ACVR1: variants seen among roughly 807,000 people sequenced by gnomAD.
ACVR1 encodes the protein activin receptor type-1.
Under a neutral mutation model 57.1 loss-of-function variants are expected in ACVR1, and 38 were observed. The ratio of observed to expected loss-of-function variants is 0.67; its 90% CI spans 0.51 to 0.87. ACVR1 has a LOEUF of 0.87. ACVR1 is among the 40% of genes least tolerant of loss of function. ACVR1 has a pLI of 0.00. For synonymous variants in ACVR1, 212 were observed against 228.1 expected, an observed-to-expected ratio of 0.93 and a Z score of 0.63; for missense variants, 463 against 638.2, an observed-to-expected ratio of 0.73 and a Z score of 2.96.
At chr2:157,779,993 T>C (rs1419256439) in intron 4 of ACVR1, among the ~76,000 whole-genome samples, 2 of 152,202 alleles carry the variant, frequency 1.3e-5, no homozygotes, top group Non-Finnish European at 2.9e-5. Context: ...ACTAGCAGAA[T>C]TGTTTCAGAA....
chr2:157,866,756 G>A (rs1055475000), intron 1 of ACVR1, among the ~76,000 whole-genome samples: 6 of 152,188 alleles, frequency 3.9e-5, no homozygotes, highest in African/African-American at 1.4e-4. Flanking sequence ...AAAAGTTGGA[G>A]ACTGTTATTT....
chr2:157,743,886 G>A (rs1344288407), intron 9 of ACVR1, among the ~76,000 whole-genome samples: 1 of 152,076 alleles, frequency 6.6e-6, no homozygotes, highest in Non-Finnish European at 1.5e-5. Flanking sequence ...TTAGCCAAAG[G>A]TAAGGGAAAG....
chr2:157,852,513 GA>G (rs1320006546), intron 1 of ACVR1, among the ~76,000 whole-genome samples: 166 of 130,508 alleles, frequency 1.3e-3, no homozygotes, highest in African/African-American at 4.3e-3. Context: ...AAAAAAAAAA[GA>G]AAAAAAAAAG....
intron 1 of ACVR1, among the ~76,000 whole-genome samples, chr2:157,846,232 T>C (rs1293656603): frequency 1.3e-5 from 2 of 152,166 alleles, no homozygotes; most frequent in Non-Finnish European, 2.9e-5. Context: ...GCTTTGAAGA[T>C]GGAGGAAGAG....
intron 1 of ACVR1, among the ~76,000 whole-genome samples, chr2:157,836,837 T>C (rs1300695643): frequency 4.9e-4 from 74 of 152,158 alleles, no homozygotes; most frequent in Non-Finnish European, 4.4e-5. Flanking sequence ...TGTGTGCCCT[T>C]ACCCCACAAC....
At chr2:157,862,973 G>A (rs1278986156) in intron 1 of ACVR1, among the ~76,000 whole-genome samples, 2 of 144,302 alleles carry the variant, frequency 1.4e-5, no homozygotes, top group East Asian at 4.3e-4. Context: ...TCCATTCTAT[G>A]AATATATATA....
chr2:157,868,117 C>A (rs377714240), intron 1 of ACVR1, among the ~76,000 whole-genome samples: 2 of 152,108 alleles, frequency 1.3e-5, no homozygotes, highest in Non-Finnish European at 2.9e-5. Context: ...CTGTTCCTTT[C>A]GGTTGTCTAA....
At chr2:157,778,466 T>C (rs1038594717) in intron 4 of ACVR1, 124 bp from the exon 5 acceptor site, 6 of 808,482 alleles carry the variant, frequency 7.4e-6, no homozygotes, top group African/African-American at 1.7e-5. Flanking sequence ...TCACGAAGTA[T>C]TAAAACTAAA....
chr2:157,813,684 T>C (rs1687834114), intron 2 of ACVR1, among the ~76,000 whole-genome samples: 2 of 152,216 alleles, frequency 1.3e-5, no homozygotes. Flanking sequence ...CTCTGAATGA[T>C]CAGTGGATGT....
chr2:157,742,784 T>C (rs2105223669), intron 9 of ACVR1, among the ~76,000 whole-genome samples: 1 of 152,192 alleles, frequency 6.6e-6, no homozygotes, highest in South Asian at 2.1e-4. Context: ...AACAAGTCCT[T>C]CCTCAAGATC....
chr2:157,822,024 T>C (rs990025085), intron 1 of ACVR1, among the ~76,000 whole-genome samples: 1 of 152,124 alleles, frequency 6.6e-6, no homozygotes, highest in Non-Finnish European at 1.5e-5. Flanking sequence ...TACAATCATA[T>C]CCTTGGCTTC....
At chr2:157,841,934 G>A (rs1413794796) in intron 1 of ACVR1, among the ~76,000 whole-genome samples, 2 of 150,766 alleles carry the variant, frequency 1.3e-5, no homozygotes, top group Admixed American at 6.6e-5. Flanking sequence ...GGGTGAGGCA[G>A]GAGAATGGCA....
intron 1 of ACVR1, chr2:157,826,543 T>C (rs972517843): frequency 3.3e-5 from 5 of 151,248 alleles, no homozygotes; most frequent in African/African-American, 1.2e-4. Context: ...GTCCCAGCTA[T>C]TCATGAGGGC....
intron 3 of ACVR1, among the ~76,000 whole-genome samples, chr2:157,785,925 AC>A (rs953117857): frequency 2.1e-4 from 32 of 152,156 alleles, no homozygotes; most frequent in African/African-American, 6.8e-4. Flanking sequence ...CCAGTCATTA[AC>A]CTGGCCTACA....
At chr2:157,738,890 G>T (rs1261930478) in intron 9 of ACVR1, among the ~76,000 whole-genome samples, 1 of 152,170 alleles carries the variant, frequency 6.6e-6, no homozygotes, top group Non-Finnish European at 1.5e-5. Flanking sequence ...ACAGGGCACT[G>T]GAGACATAGA....
intron 9 of ACVR1, among the ~76,000 whole-genome samples, chr2:157,750,066 A>G (rs1327842599): frequency 6.6e-6 from 1 of 152,204 alleles, no homozygotes; most frequent in African/African-American, 2.4e-5. Flanking sequence ...ATCATCTGAC[A>G]GCCTAGGGAA....
intron 1 of ACVR1, among the ~76,000 whole-genome samples, chr2:157,852,508 A>AG (rs1233328921): frequency 2.1e-5 from 3 of 143,960 alleles, no homozygotes; most frequent in African/African-American, 5.1e-5. Flanking sequence ...CAAAAAAAAA[A>AG]AAAAGAAAAA....
At chr2:157,778,821 C>T (rs571458685) in intron 4 of ACVR1, among the ~76,000 whole-genome samples, 85 of 152,290 alleles carry the variant, frequency 5.6e-4, no homozygotes, top group African/African-American at 2.0e-3. Flanking sequence ...TGCCTAGGAA[C>T]CCATTCATTC....
At chr2:157,762,574 A>T (rs1332829390) in intron 8 of ACVR1, among the ~76,000 whole-genome samples, 1 of 152,208 alleles carries the variant, frequency 6.6e-6, no homozygotes, top group Admixed American at 6.5e-5. Context: ...TGAAGATGGG[A>T]GAAGCTTCAA....
Sources: gnomAD v4.1 joint callset for allele counts (sites outside exome capture counted in the v4.1 genomes callset) on GRCh38, gnomAD v4.1.1 for gene constraint, MANE v1.5 for transcripts, NCBI Gene and HGNC (gene_info 2026-07-23, HGNC 2026-07-21) for gene names.